The following FAM227B variants were observed in gnomAD, a reference collection of about 807,000 sequenced individuals.
FAM227B encodes protein FAM227B.
A neutral mutation model predicts 73.8 loss-of-function variants in FAM227B; 88 were observed. The ratio of observed to expected loss-of-function variants is 1.19; its 90% confidence interval spans 1.00 to 1.42. The LOEUF is 1.42. FAM227B is among the 40% of genes most tolerant of loss of function. The pLI, the probability that FAM227B is intolerant of heterozygous loss-of-function variation, is 0.00. For synonymous variants in FAM227B, 210 were observed against 190.5 expected (o/e 1.10, Z -0.84); for missense variants, 632 against 590.9 (o/e 1.07, Z -0.72).
At chr15:49,457,298 G>GA (rs556272467) in intron 11 of FAM227B, among the ~76,000 whole-genome samples, 2 of 151,956 alleles carry the variant, frequency 1.3e-5, no homozygotes, top group African/African-American at 4.8e-5. Context: ...AATAGAAATG[G>GA]AAAAAAATCA....
At chr15:49,545,930 G>A (rs950473522) in intron 9 of FAM227B, among the ~76,000 whole-genome samples, 8 of 139,350 alleles carry the variant, frequency 5.7e-5, no homozygotes, top group Non-Finnish European at 1.2e-4. Context: ...CACCAGAAGG[G>A]AGCAGGAGTA....
chr15:49,327,652 TG>T lies in FAM227B; in HGVS notation c.*915del, dbSNP rs1011887203. On this transcript the variant is annotated 3_prime_UTR_variant, in exon 16 of 16. Coordinates refer to ENST00000299338, the MANE Select transcript of FAM227B (RefSeq NM_152647.3). ...TAAGCTTGCTATACAACTCTTCAAG[TG>T]GCTACTTTATGGAATCAATATTACA... 1 of 214,428 alleles carries T rather than the reference TG, an allele frequency of 4.7e-6. No homozygotes were observed. Among genetic ancestry groups the T allele is most frequent in the African/African-American group, 2.3e-5 (1 of 43,722 alleles). 13.3% of individuals were successfully genotyped at this position (214,428 alleles called of 1,614,324 possible).
At chr15:49,587,179 A>G (rs916555131) in intron 5 of FAM227B, among the ~76,000 whole-genome samples, 1 of 152,304 alleles carries the variant, frequency 6.6e-6, no homozygotes, top group African/African-American at 2.4e-5. Flanking sequence ...TGTCCTTTGC[A>G]GGTATATGGA....
At chr15:49,420,496 C>A (rs1452578631) in intron 11 of FAM227B, among the ~76,000 whole-genome samples, 2 of 151,954 alleles carry the variant, frequency 1.3e-5, no homozygotes, top group Non-Finnish European at 2.9e-5. Context: ...CATATACACA[C>A]AAACATATGT....
intron 3 of FAM227B, among the ~76,000 whole-genome samples, chr15:49,609,247 G>A (rs2077728145): frequency 6.6e-6 from 1 of 151,792 alleles, no homozygotes; most frequent in South Asian, 2.1e-4. Context: ...TGTGGGAAAT[G>A]ATCAATAGAG....
At position 49,366,305 on chromosome 15, in the gene FAM227B, C is replaced by G; in HGVS notation, c.1271+1143G>C. 5.1e-6 allele frequency: 4 copies of G among 787,774 alleles called. No homozygotes were observed. The South Asian group carries it at 5.4e-5, about 11-fold the overall frequency. 48.8% of individuals were successfully genotyped at this position (787,774 alleles called of 1,614,324 possible). A position where few individuals can be genotyped will look rare whatever the true frequency, so the allele number is the denominator to read the frequency against. ...TATTTTCACATCAGGAAATTCAGATCTGTTACCTGAGGTAGGAAATAGGAT... is the reference window on the plus strand; with the variant it reads ...TATTTTCACATCAGGAAATTCAGATGTGTTACCTGAGGTAGGAAATAGGAT... On this transcript the variant is annotated intron_variant, in intron 13 of 15. Coordinates refer to ENST00000299338, the MANE Select transcript of FAM227B (RefSeq NM_152647.3).
At chr15:49,366,806 C>T (rs2151449179) in intron 13 of FAM227B, 2 of 559,644 alleles carry the variant, frequency 3.6e-6, no homozygotes, top group East Asian at 6.4e-5. Flanking sequence ...ATCGCCGCTG[C>T]TGCAGGGGCC....
At chr15:49,537,026 C>T (rs1383572933) in intron 10 of FAM227B, among the ~76,000 whole-genome samples, 2 of 152,166 alleles carry the variant, frequency 1.3e-5, no homozygotes, top group South Asian at 4.1e-4. Context: ...ATTTGGATAT[C>T]ATACCAATAG....
At chr15:49,396,673 A>T (rs868377807) in intron 11 of FAM227B, among the ~76,000 whole-genome samples, 7 of 151,826 alleles carry the variant, frequency 4.6e-5, no homozygotes, top group East Asian at 1.9e-4. Context: ...CTGCCTCCTC[A>T]AGTGGGTCCC....
intron 3 of FAM227B, among the ~76,000 whole-genome samples, chr15:49,610,536 T>A (rs978780559): frequency 6.6e-6 from 1 of 152,060 alleles, no homozygotes; most frequent in Admixed American, 6.5e-5. Flanking sequence ...CAAATACTAT[T>A]TACATTTAAG....
At chr15:49,610,252 T>A (rs1179921699) in intron 3 of FAM227B, among the ~76,000 whole-genome samples, 1 of 151,836 alleles carries the variant, frequency 6.6e-6, no homozygotes, top group Non-Finnish European at 1.5e-5. Flanking sequence ...TCCTTAAACA[T>A]TGTCATTAGG....
At chr15:49,409,017 T>C (rs1382252915) in intron 11 of FAM227B, among the ~76,000 whole-genome samples, 1 of 152,206 alleles carries the variant, frequency 6.6e-6, no homozygotes, top group Non-Finnish European at 1.5e-5. Context: ...GGATCAGTTT[T>C]CTTGGTGCCT....
In FAM227B at chr15:49,466,794, T is replaced by C. The variant is rs74549461; in HGVS notation, c.1012+41417A>G. 1.7e-4 allele frequency among the ~76,000 whole-genome samples: 26 copies of C among 152,322 alleles called. No individual in the cohort carries two copies. In the East Asian group the frequency reaches 4.8e-3, roughly 28 times the overall value. The stretch of plus-strand genomic sequence containing the variant: ...GAGCTTGGGGGTCTTTAACCCTTTT[T>C]AAATTTTTTAATTATCTTTTTAAGT... On this transcript the variant is annotated intron_variant, in intron 11 of 15. Coordinates refer to ENST00000299338, the MANE Select transcript of FAM227B (RefSeq NM_152647.3).
At chr15:49,428,852 G>A (rs1360331891) in intron 11 of FAM227B, among the ~76,000 whole-genome samples, 2 of 152,012 alleles carry the variant, frequency 1.3e-5, no homozygotes, top group African/African-American at 4.8e-5. Context: ...ACTGGCCAAT[G>A]ATTTGGCAAT....
chr15:49,413,789 C>A (rs182432729), intron 11 of FAM227B, among the ~76,000 whole-genome samples: 1 of 151,692 alleles, frequency 6.6e-6, no homozygotes, highest in Admixed American at 6.6e-5. Context: ...TCCAGTTATA[C>A]TATCTTTTGG....
intron 1 of FAM227B, among the ~76,000 whole-genome samples, chr15:49,618,976 T>A (rs2078475337): frequency 6.6e-6 from 1 of 152,198 alleles, no homozygotes; most frequent in African/African-American, 2.4e-5. Context: ...TGGGACTAAA[T>A]TCTGGCCAAC....
In FAM227B at chr15:49,381,004, C is replaced by G. The variant is rs185950854; in HGVS notation, c.1013-9605G>C. 3.3e-5 allele frequency among the ~76,000 whole-genome samples: 5 copies of G among 152,228 alleles called. No individual in the cohort carries two copies. The East Asian group carries it at 9.7e-4, about 29-fold the overall frequency. The stretch of plus-strand genomic sequence containing the variant: ...GTGCACGCCTCAGGGAGATTACAAT[C>G]GTGGTAAAAGGCAAAGGAGGAGCCC... On this transcript the variant is annotated intron_variant, in intron 11 of 15. Transcript: ENST00000299338.
intron 10 of FAM227B, among the ~76,000 whole-genome samples, chr15:49,524,320 CT>C (rs2059996500): frequency 8.0e-5 from 12 of 150,740 alleles, no homozygotes; most frequent in Admixed American, 1.3e-4. Context: ...CTAAAAGGGG[CT>C]CGAGTGGTTT....
At chr15:49,360,483 G>T (rs1410367764) in intron 13 of FAM227B, among the ~76,000 whole-genome samples, 2 of 152,022 alleles carry the variant, frequency 1.3e-5, no homozygotes, top group African/African-American at 2.4e-5. Flanking sequence ...TTTGCATTTT[G>T]CATGTTAAAA....
Sources: allele counts gnomAD v4.1 joint callset (sites outside exome capture counted in the v4.1 genomes callset), GRCh38; gene constraint gnomAD v4.1.1; transcripts MANE v1.5; gene names NCBI Gene and HGNC (gene_info 2026-07-23, HGNC 2026-07-21).